Variants in NLGN1 observed in about 807,000 individuals in gnomAD.
NLGN1 encodes the protein neuroligin-1.
Under a neutral mutation model 65.5 loss-of-function variants are expected in NLGN1, and 12 were observed. The ratio of observed to expected loss-of-function variants is 0.18; its 90% CI spans 0.12 to 0.30. The LOEUF is 0.30. Ranked by LOEUF, NLGN1 falls within the 10% of genes least tolerant of loss-of-function variation. NLGN1 has a pLI of 1.00. For synonymous variants in NLGN1, 350 were observed against 359.5 expected (o/e 0.97, Z 0.30); for missense variants, 750 against 1,007.1 (o/e 0.74, Z 3.46).
chr3:174,088,247 C>T (rs1295345957), intron 4 of NLGN1, among the ~76,000 whole-genome samples: 1 of 151,832 alleles, frequency 6.6e-6, no homozygotes, highest in African/African-American at 2.4e-5. Flanking sequence ...AGATACTTTA[C>T]GAGAGAAGGC....
intron 4 of NLGN1, among the ~76,000 whole-genome samples, chr3:173,931,975 C>T (rs1013507877): frequency 6.6e-6 from 1 of 152,038 alleles, no homozygotes; most frequent in Non-Finnish European, 1.5e-5. Context: ...ATTAAGATGA[C>T]TTTAAGGTGT....
At chr3:173,484,507 A>G (rs1023639743) in intron 2 of NLGN1, among the ~76,000 whole-genome samples, 5 of 152,280 alleles carry the variant, frequency 3.3e-5, no homozygotes, top group Non-Finnish European at 7.4e-5. Flanking sequence ...CTGGCAAAAA[A>G]ATTCACAGAC....
rs111585264 is a variant in NLGN1, at chr3:173,918,526, G to A, written c.646+110694G>A. On this transcript the variant is annotated intron_variant, in intron 4 of 6. Coordinates refer to ENST00000457714, the Ensembl canonical transcript of NLGN1. ...CGTGTGCCTGTAGTCCCAGCTACTC[G>A]GGAGGCTGAGGCAGGAGAATCACTT... Among the ~76,000 whole-genome samples the A allele has an allele frequency of 1.5e-4, 23 of 151,538 alleles. No homozygotes were observed. In the East Asian group the frequency reaches 2.7e-3, roughly 18 times the overall value.
At chr3:174,254,768 T>C (rs1476500809) in intron 4 of NLGN1, among the ~76,000 whole-genome samples, 2 of 151,844 alleles carry the variant, frequency 1.3e-5, no homozygotes, top group Non-Finnish European at 2.9e-5. Flanking sequence ...CATTTTTAAC[T>C]GCAAGAAAAA....
chr3:174,023,884 G>GGGAAGA (rs1266049299), intron 4 of NLGN1, among the ~76,000 whole-genome samples: 9 of 152,094 alleles, frequency 5.9e-5, no homozygotes, highest in Non-Finnish European at 1.2e-4. Context: ...TCTGGAAAAT[G>GGGAAGA]GGAAGAGCTG....
At chr3:173,782,948 T>TA (rs146649619) in intron 3 of NLGN1, among the ~76,000 whole-genome samples, 14,181 of 151,940 alleles carry the variant, frequency 0.093, 729 homozygotes, top group African/African-American at 0.13. Flanking sequence ...ATTGTTGAGT[T>TA]AAAAAAAGTA....
intron 3 of NLGN1, among the ~76,000 whole-genome samples, chr3:173,606,818 A>C (rs1445976673): frequency 6.6e-6 from 1 of 152,012 alleles, no homozygotes; most frequent in Non-Finnish European, 1.5e-5. Flanking sequence ...ACTTAAGAAG[A>C]TGGATATGGA....
intron 3 of NLGN1, among the ~76,000 whole-genome samples, chr3:173,746,477 T>C (rs947085537): frequency 6.6e-6 from 1 of 152,014 alleles, no homozygotes; most frequent in Non-Finnish European, 1.5e-5. Context: ...CTCCAGTCAT[T>C]CAAGCCTTGT....
chr3:174,055,168 TTCTG>T (rs1383614494), intron 4 of NLGN1, among the ~76,000 whole-genome samples: 1 of 149,048 alleles, frequency 6.7e-6, no homozygotes, highest in Non-Finnish European at 1.5e-5. Flanking sequence ...TTTTTTTTTT[TTCTG>T]TCCAGTGCCT....
chr3:173,865,123 T>C (rs2150830655), intron 4 of NLGN1, among the ~76,000 whole-genome samples: 2 of 152,320 alleles, frequency 1.3e-5, no homozygotes, highest in East Asian at 3.9e-4. Context: ...TCAAAGTGAA[T>C]GCTACTCACT....
intron 2 of NLGN1, among the ~76,000 whole-genome samples, chr3:173,549,745 T>G (rs1486569441): frequency 6.6e-6 from 1 of 152,038 alleles, no homozygotes; most frequent in Non-Finnish European, 1.5e-5. Flanking sequence ...TGAACCAAAT[T>G]TAGATAGCTG....
chr3:174,194,774 T>C (rs1342494646), intron 4 of NLGN1, among the ~76,000 whole-genome samples: 1 of 128,046 alleles, frequency 7.8e-6, no homozygotes, highest in South Asian at 2.4e-4. Context: ...AAAGAAAATA[T>C]AACCTATTCA....
At chr3:173,513,885 G>A (rs1480346087) in intron 2 of NLGN1, among the ~76,000 whole-genome samples, 1 of 151,878 alleles carries the variant, frequency 6.6e-6, no homozygotes, top group African/African-American at 2.4e-5. Flanking sequence ...AAAATTAGCC[G>A]GGTGTGGTGG....
Position 174,212,313 on chromosome 3 carries a change from G to T in NLGN1, c.647-63002G>T, listed in dbSNP as rs530348262. The stretch of plus-strand genomic sequence containing the variant: ...GCCTACCCGGAACTCCAGCTGGCCC[G>T]CAAGCGCCGTGCGCAGCCCGGGTTC... On this transcript the variant is annotated intron_variant, in intron 4 of 6. Transcript: ENST00000457714. Among the ~76,000 whole-genome samples, 805 of 152,330 alleles carry T rather than the reference G, an allele frequency of 5.3e-3. 2 individuals are homozygous for T. Among genetic ancestry groups the T allele is most frequent in the Middle Eastern group, 0.017 (5 of 294 alleles).
chr3:173,657,021 C>A (rs965056247), intron 3 of NLGN1, among the ~76,000 whole-genome samples: 3 of 151,898 alleles, frequency 2.0e-5, no homozygotes, highest in African/African-American at 7.3e-5. Context: ...TGTAAAAATG[C>A]TTTGTAAACC....
chr3:174,178,873 T>C (rs995201882), intron 4 of NLGN1, among the ~76,000 whole-genome samples: 36 of 152,256 alleles, frequency 2.4e-4, no homozygotes, highest in African/African-American at 8.4e-4. Flanking sequence ...GGTGAAGATA[T>C]TAGCTTTACT....
intron 3 of NLGN1, among the ~76,000 whole-genome samples, chr3:173,796,121 C>A (rs1037644980): frequency 6.6e-6 from 1 of 152,020 alleles, no homozygotes; most frequent in Non-Finnish European, 1.5e-5. Flanking sequence ...ATGTGTGACA[C>A]AAAGTATGGA....
In NLGN1 at chr3:173,530,206, C is replaced by T. The variant is rs140491263; in HGVS notation, c.-320-74073C>T. Among the ~76,000 whole-genome samples, 822 of 152,246 alleles carry T rather than the reference C, an allele frequency of 5.4e-3. 5 individuals are homozygous for T. Among genetic ancestry groups the T allele is most frequent in the Admixed American group, 0.01 (155 of 15,294 alleles). ...CTGACCTCAAGTGATCCTGCTGTCT[C>T]GGCCTCCCAAAGTGCTGGGATTACA... On this transcript the variant is annotated intron_variant, in intron 2 of 6. Transcript: ENST00000457714.
intron 3 of NLGN1, among the ~76,000 whole-genome samples, chr3:173,745,824 A>G (rs1775281674): frequency 1.3e-5 from 2 of 152,112 alleles, no homozygotes; most frequent in African/African-American, 2.4e-5. Flanking sequence ...TTGACAAAGG[A>G]TAATTTGAAT....
Sources: allele counts gnomAD v4.1 joint callset (sites outside exome capture counted in the v4.1 genomes callset), GRCh38; gene constraint gnomAD v4.1.1; transcripts MANE v1.5; gene names NCBI Gene and HGNC (gene_info 2026-07-23, HGNC 2026-07-21).